The following PARP1 variants were observed in gnomAD, a reference collection of about 807,000 sequenced individuals.
The protein encoded by PARP1 is poly(ADP-ribose) polymerase 1, also known as poly [ADP-ribose] polymerase 1.
PARP1 carries 44 observed loss-of-function variants against 118.7 expected under a neutral mutation model. The ratio of observed to expected loss-of-function variants is 0.37; its 90% CI spans 0.29 to 0.48. The LOEUF is 0.48. Among genes scored for constraint, PARP1 ranks in the 20% least tolerant of loss-of-function variants. PARP1 has a pLI of 0.99. For missense variants in PARP1, 1,100 were observed against 1,272.4 expected (o/e 0.86, Z 2.06); for synonymous variants, 492 against 483.2 (o/e 1.02, Z -0.24).
At chr1:226,392,858 A>C in intron 2 of PARP1, 2 of 1,456,764 alleles carry the variant, frequency 1.4e-6, no homozygotes, top group South Asian at 2.7e-5. Context: ...GCCATTTGGG[A>C]CAAAAACTGG....
Position 226,386,356 on chromosome 1 carries a change from G to T in PARP1, c.804C>A (p.Asn268Lys). 1 of 1,613,162 alleles carries T rather than the reference G, an allele frequency of 6.2e-7. No homozygotes were observed. Among genetic ancestry groups the T allele is most frequent in the East Asian group, 2.2e-5 (1 of 44,876 alleles). Residue 268 changes from asparagine (N) to lysine (K), a missense_variant, in exon 6 of 23, where the codon AAC (asparagine) becomes AAA (lysine). This residue lies in a region of PARP1 where 948 missense variants were observed against 1,031.8 expected (regional missense o/e 0.92). Coordinates refer to ENST00000366794, the MANE Select transcript of PARP1 (RefSeq NM_001618.4). The part of the protein sequence containing the change: ...TNDLKELLIF[N>K]KQQVPSGESA... ...ACTCCCCAGAAGGCACTTGCTGCTTGTTGAAGATGAGTAGCTCCTTCAGGT... is the reference window on the plus strand; with the variant it reads ...ACTCCCCAGAAGGCACTTGCTGCTTTTTGAAGATGAGTAGCTCCTTCAGGT...
At chr1:226,374,465 C>CA in intron 13 of PARP1, 111 bp from the exon 14 acceptor site, 5 of 1,261,700 alleles carry the variant, frequency 4.0e-6, no homozygotes, top group Non-Finnish European at 5.7e-6. Flanking sequence ...GTGCCACCAG[C>CA]AAAAAAAGCT....
chr1:226,390,714 G>T, intron 3 of PARP1, 90 bp from the exon 4 acceptor site: 1 of 1,254,166 alleles, frequency 8.0e-7, no homozygotes, highest in Non-Finnish European at 1.1e-6. Context: ...CCAGTGAGGA[G>T]CTGAGGGTCC....
At chr1:226,400,483 G>A (rs868048921) in intron 2 of PARP1, among the ~76,000 whole-genome samples, 1 of 152,200 alleles carries the variant, frequency 6.6e-6, no homozygotes, top group Non-Finnish European at 1.5e-5. Flanking sequence ...TACACGTACT[G>A]GATGTAGTTC....
rs570365580 is a variant in PARP1 at position 226,362,243 on chromosome 1, T to C, written c.2849-160A>G. ...CACTGTCGCCCAGGCCGGAGTGCAA[T>C]GGTGTGACTTCAGCTCAGTGCAACC... On this transcript the variant is annotated intron_variant, in intron 21 of 22. Coordinates refer to ENST00000366794, the MANE Select transcript of PARP1 (RefSeq NM_001618.4). The C allele has an allele frequency of 2.5e-4, 153 of 607,762 alleles. 1 individual carries two copies. Among genetic ancestry groups the C allele is most frequent in the Non-Finnish European group, 3.1e-4 (106 of 340,250 alleles). The allele number at this position is 607,762 out of a possible 1,614,324, so 37.6% of individuals were successfully genotyped here.
At chr1:226,361,805 G>C in intron 22 of PARP1, 164 bp downstream of exon 22, 1 of 691,544 alleles carries the variant, frequency 1.4e-6, no homozygotes, top group Non-Finnish European at 2.7e-6. Context: ...CTGTAAGCCA[G>C]GCTATGCACA....
Position 226,402,302 on chromosome 1 carries a change from G to C in PARP1, c.198C>G (p.His66Gln). 8.7e-6 allele frequency: 14 copies of C among 1,614,066 alleles called. No homozygotes were observed. Among genetic ancestry groups the C allele is most frequent in the Non-Finnish European group, 1.2e-5 (14 of 1,180,032 alleles). Reference protein sequence around the residue: ...CFWKVGHSIRHPDVEVDGFSE... With the variant: ...CFWKVGHSIRQPDVEVDGFSE... The stretch of plus-strand genomic sequence containing the variant: ...AGAACCCATCCACCTCAACGTCAGG[G>C]TGCCGGATGGAGTGGCCCACCTTCC... Residue 66 changes from histidine to glutamine, a missense_variant, in exon 2 of 23, where the codon CAC becomes CAG. This residue lies in a region of PARP1 where 948 missense variants were observed against 1,031.8 expected (regional missense o/e 0.92). Coordinates refer to ENST00000366794, the MANE Select transcript of PARP1 (RefSeq NM_001618.4).
intron 10 of PARP1, 119 bp from the exon 11 acceptor site, chr1:226,379,760 C>T (rs1040336807): frequency 4.5e-6 from 6 of 1,335,020 alleles, no homozygotes; most frequent in Middle Eastern, 2.5e-4. Flanking sequence ...CATCTATATA[C>T]ACACTACTCC....
At chr1:226,401,946 T>C in intron 2 of PARP1, 1 of 1,433,842 alleles carries the variant, frequency 7.0e-7, no homozygotes, top group East Asian at 2.5e-5. Context: ...TGCTTACTTT[T>C]GCCATGAACA....
chr1:226,366,258 C>T (rs1664263997), intron 17 of PARP1: 4 of 568,824 alleles, frequency 7.0e-6, no homozygotes, highest in South Asian at 5.8e-5. Flanking sequence ...TCTTCATCTA[C>T]TTGGGCTGCT....
intron 13 of PARP1, among the ~76,000 whole-genome samples, chr1:226,375,662 G>A (rs1373337669): frequency 6.6e-6 from 1 of 152,208 alleles, no homozygotes; most frequent in Admixed American, 6.5e-5. Context: ...TTGATCAGGT[G>A]TTGAAATTAG....
intron 20 of PARP1, among the ~76,000 whole-genome samples, chr1:226,363,614 C>T (rs1361989304): frequency 6.6e-6 from 1 of 152,208 alleles, no homozygotes; most frequent in Non-Finnish European, 1.5e-5. Context: ...TCTAAGAAAA[C>T]TGAAACACTG....
rs776943452 is a variant in PARP1 at position 226,383,009 on chromosome 1, C to T, written c.1159+27G>A. On this transcript the variant is annotated intron_variant, in intron 8 of 22. Transcript: ENST00000366794. ...GGCAAACAATTCCTGCAAAGCAGCT[C>T]TAAGACCGGGGTCCCAAATGCTGTA... The T allele has an allele frequency of 6.8e-6, 11 of 1,611,792 alleles. No individual in the cohort carries two copies. In the African/African-American group the frequency reaches 1.1e-4, roughly 16 times the overall value.
intron 9 of PARP1, 34 bp downstream of exon 9, chr1:226,381,034 T>C (rs373349465): frequency 5.4e-5 from 87 of 1,612,600 alleles, no homozygotes; most frequent in East Asian, 1.6e-4. Flanking sequence ...TACAGAAGCA[T>C]TGTCCCTGTT....
intron 2 of PARP1, among the ~76,000 whole-genome samples, chr1:226,393,834 T>C (rs1220420458): frequency 6.6e-6 from 1 of 152,230 alleles, no homozygotes; most frequent in Non-Finnish European, 1.5e-5. Flanking sequence ...GATCTGTGCA[T>C]GTAACTATGT....
intron 1 of PARP1, among the ~76,000 whole-genome samples, chr1:226,404,933 A>G (rs558502984): frequency 9.5e-4 from 145 of 152,162 alleles, no homozygotes; most frequent in South Asian, 1.7e-3. Context: ...CGGGTGCTCA[A>G]ACCCTCCCAG....
In PARP1 at chr1:226,379,379, T is replaced by A. The variant is rs949925297; in HGVS notation, c.1613-105A>T. 67 of 1,437,754 alleles carry A rather than the reference T, an allele frequency of 4.7e-5. No individual in the cohort carries two copies. In the East Asian group the frequency reaches 1.4e-3, roughly 31 times the overall value. The allele number at this position is 1,437,754 out of a possible 1,614,324, so 89.1% of individuals were successfully genotyped here. A position where few individuals can be genotyped will look rare whatever the true frequency, so the allele number is the denominator to read the frequency against. Reference sequence around the variant, plus strand: ...TGAGGTTCACGCCTCTTGGATACACTACCACCACCCTCGGGAGGCTCCCCA... The same window carrying A: ...TGAGGTTCACGCCTCTTGGATACACAACCACCACCCTCGGGAGGCTCCCCA... On this transcript the variant is annotated intron_variant, in intron 11 of 22. Coordinates refer to ENST00000366794, the MANE Select transcript of PARP1 (RefSeq NM_001618.4).
At chr1:226,367,140 C>T (rs963510016) in intron 17 of PARP1, 3 of 361,894 alleles carry the variant, frequency 8.3e-6, no homozygotes, top group African/African-American at 6.3e-5. Context: ...TTTAGAAAAA[C>T]AGAGCTCCTC....
chr1:226,365,411 G>T (rs1274906047), intron 18 of PARP1, among the ~76,000 whole-genome samples: 1 of 152,226 alleles, frequency 6.6e-6, no homozygotes, highest in African/African-American at 2.4e-5. Context: ...TTGGACATCT[G>T]ATAATCTATG....
Sources: allele counts gnomAD v4.1 joint callset (sites outside exome capture counted in the v4.1 genomes callset), GRCh38; gene constraint gnomAD v4.1.1; regional missense constraint gnomAD v4.1.1; transcripts MANE v1.5; gene names NCBI Gene and HGNC (gene_info 2026-07-23, HGNC 2026-07-21).